YIF1B: variants seen among roughly 807,000 people sequenced by gnomAD.
The protein encoded by YIF1B is protein YIF1B.
Under a neutral mutation model 34.6 loss-of-function variants are expected in YIF1B, and 24 were observed. The ratio of observed to expected loss-of-function variants is 0.69; its 90% confidence interval spans 0.50 to 0.98. YIF1B has a LOEUF of 0.98. Among genes scored for constraint, YIF1B ranks in the 50% least tolerant of loss-of-function variants. The pLI, the probability that YIF1B is intolerant of heterozygous loss-of-function variation, is 0.00. For synonymous variants in YIF1B, 186 were observed against 184.8 expected (o/e 1.01, Z -0.05); for missense variants, 368 against 429.4 (o/e 0.86, Z 1.26).
chr19:38,309,305 G>C lies in YIF1B; in HGVS notation c.321C>G (p.Thr107=). ...CCACAGCAAAGTAATACTTGAGCTT[G>C]GTGATGGGGATGAAGCGGTCGATCT... ...DKNIDRFIPI[T]KLKYYFAVDT... Residue 107 remains threonine, a synonymous_variant, in exon 3 of 8, where the codon ACC becomes ACG. Transcript: ENST00000339413. 4 of 1,614,148 alleles carry C rather than the reference G, an allele frequency of 2.5e-6. No individual in the cohort carries two copies. The highest frequency in any genetic ancestry group is 2.2e-5 in the East Asian group (1 of 44,882).
rs1969168545 is a variant in YIF1B, at chr19:38,308,652, G to A, written c.539+140C>T. 8 of 971,762 alleles carry A rather than the reference G, an allele frequency of 8.2e-6. No individual in the cohort carries two copies. The South Asian group carries it at 9.7e-5, about 12-fold the overall frequency. 60.2% of individuals were successfully genotyped at this position (971,762 alleles called of 1,614,324 possible). A position where few individuals can be genotyped will look rare whatever the true frequency, so the allele number is the denominator to read the frequency against. On this transcript the variant is annotated intron_variant, in intron 5 of 7. Transcript: ENST00000339413. ...CGAGGGTGATGCTGACAGTGACCCT[G>A]AGGGCTGTATCTTGGGCCAACTGGG...
chr19:38,316,035 C>T (rs1478798673), upstream of YIF1B: 2 of 1,320,132 alleles, frequency 1.5e-6, no homozygotes, highest in Non-Finnish European at 1.9e-6. Context: ...GCCTCGCCCC[C>T]ACCCCCCCGA....
chr19:38,314,192 A>AT (rs544115864), intron 1 of YIF1B, among the ~76,000 whole-genome samples: 2,186 of 127,242 alleles, frequency 0.017, 42 homozygotes, highest in Non-Finnish European at 0.024. Context: ...CGCCCGGCTA[A>AT]TTTTTTTTTT....
intron 1 of YIF1B, chr19:38,309,920 C>G: frequency 9.4e-7 from 1 of 1,058,414 alleles, no homozygotes; most frequent in East Asian, 3.0e-5. Context: ...ACCCACCCTC[C>G]CACTCACCCA....
upstream of YIF1B, among the ~76,000 whole-genome samples, chr19:38,317,864 A>G (rs117234139): frequency 0.3 from 45,570 of 151,312 alleles, 7,226 homozygotes; most frequent in East Asian, 0.51. Flanking sequence ...ACAGGCATGA[A>G]ACACCGCACC....
intron 5 of YIF1B, 53 bp from the exon 6 acceptor site, chr19:38,307,805 C>T: frequency 4.4e-6 from 7 of 1,598,524 alleles, no homozygotes; most frequent in Non-Finnish European, 5.1e-6. Flanking sequence ...CCCCCACCCC[C>T]AGCACCCATC....
upstream of YIF1B, chr19:38,319,813 C>T: frequency 1.1e-6 from 1 of 881,642 alleles, no homozygotes; most frequent in Non-Finnish European, 1.6e-6. Flanking sequence ...CCCCCACCTC[C>T]CCTTTTTCCT....
Position 38,304,950 on chromosome 19 carries a change from G to GGCAAGA in YIF1B, c.*401_*402insTCTTGC, listed in dbSNP as rs772748463. 4.7e-6 allele frequency: 7 copies of GGCAAGA among 1,492,302 alleles called. No individual in the cohort carries two copies. The highest frequency in any genetic ancestry group is 7.0e-5 in the East Asian group (2 of 28,770). The allele number at this position is 1,492,302 out of a possible 1,614,324, so 92.4% of individuals were successfully genotyped here. On this transcript the variant is annotated 3_prime_UTR_variant, in exon 8 of 8. Coordinates refer to ENST00000339413, the MANE Select transcript of YIF1B (RefSeq NM_001039672.3). ...CAAGAAGGAGAAGGGCAAGAAGAAG[G>GGCAAGA]AGGCTCCCCACTGAAGGGCCCTGGA... is the stretch of plus-strand genomic sequence containing the variant.
intron 7 of YIF1B, chr19:38,306,867 G>C (rs957183700): frequency 1.5e-5 from 6 of 411,502 alleles, no homozygotes; most frequent in Admixed American, 3.0e-5. Context: ...ATTTTTAGTA[G>C]AGATGGGGTT....
Position 38,309,312 on chromosome 19 carries a change from G to C in YIF1B, c.314C>G (p.Pro105Arg). The change falls in exon 3 of 8, where the codon CCC (proline) becomes CGC (arginine). Residue 105 changes from proline (P) to arginine (R), a missense_variant. Pro to Arg is a moderately radical substitution (Grantham distance 103). This residue lies in a region of YIF1B where 153 missense variants were observed against 156.7 expected (regional missense o/e 0.98). Coordinates refer to ENST00000339413, the MANE Select transcript of YIF1B (RefSeq NM_001039672.3). ...AAAGTAATACTTGAGCTTGGTGATG[G>C]GGATGAAGCGGTCGATCTGGGGAGG... ...LVDKNIDRFI[P>R]ITKLKYYFAV... 1 of 1,614,118 alleles carries C rather than the reference G, an allele frequency of 6.2e-7. No individual in the cohort carries two copies. Among genetic ancestry groups the C allele is most frequent in the Non-Finnish European group, 8.5e-7 (1 of 1,179,992 alleles).
chr19:38,317,672 T>G (rs1412223653), upstream of YIF1B, among the ~76,000 whole-genome samples: 1 of 152,024 alleles, frequency 6.6e-6, no homozygotes, highest in Non-Finnish European at 1.5e-5. Context: ...CTTTGCCTCC[T>G]GGGTTCAAGT....
intron 1 of YIF1B, among the ~76,000 whole-genome samples, chr19:38,310,995 A>G (rs1200120829): frequency 6.6e-6 from 1 of 152,100 alleles, no homozygotes; most frequent in East Asian, 1.9e-4. Context: ...GAGTCCCCCA[A>G]GGTGGGGATC....
In YIF1B at chr19:38,315,885, C is replaced by G. The variant is rs1309928757; in HGVS notation, c.33G>C (p.Ala11=). 1.3e-6 allele frequency: 2 copies of G among 1,486,676 alleles called. No homozygotes were observed. Among genetic ancestry groups the G allele is most frequent in the Admixed American group, 4.7e-5 (2 of 42,224 alleles). 92.1% of individuals were successfully genotyped at this position (1,486,676 alleles called of 1,614,324 possible). A position where few individuals can be genotyped will look rare whatever the true frequency, so the allele number is the denominator to read the frequency against. Reference sequence around the variant, plus strand: ...GCCACTTACGCAGCCGGGGCGTCCCCGCAGCCGCCGCCGCCAAGCCTGCCG... The same window carrying G: ...GCCACTTACGCAGCCGGGGCGTCCCGGCAGCCGCCGCCGCCAAGCCTGCCG... MHPAGLAAAA[A]GTPRLRKWPS... is the part of the protein sequence containing the mutation. Residue 11 remains alanine (A), a synonymous_variant, in exon 1 of 8, where the codon GCG becomes GCC. Coordinates refer to ENST00000339413, the MANE Select transcript of YIF1B (RefSeq NM_001039672.3).
chr19:38,313,958 TTCTGAATATATATTCATATG>T (rs1364791463), intron 1 of YIF1B, among the ~76,000 whole-genome samples: 1 of 152,252 alleles, frequency 6.6e-6, no homozygotes, highest in East Asian at 1.9e-4. Flanking sequence ...TCACAATAAT[TTCTGAATATATATTCATATG>T]TCTACTTGTT....
chr19:38,309,002 T>C lies in YIF1B; in HGVS notation c.458A>G (p.Asn153Ser), dbSNP rs1300103368. The C allele has an allele frequency of 2.5e-6, 4 of 1,585,686 alleles. No individual in the cohort carries two copies. The highest frequency in any genetic ancestry group is 2.3e-5 in the East Asian group (1 of 43,982). ...DTPVAPRFDV[N>S]APDLYIPAMA... ...ACCTGGAATGTAGAGGTCCGGGGCA[T>C]TGACGTCAAAGCGGGGGGCCACCGG... Residue 153 changes from asparagine (N) to serine (S), a missense_variant, in exon 4 of 8, where the codon AAT (asparagine) becomes AGT (serine). Physicochemically the swap from Asn to Ser is conservative, Grantham distance 46. This residue lies in a region of YIF1B where 208 missense variants were observed against 247.8 expected (regional missense o/e 0.84). Transcript: ENST00000339413.
At chr19:38,313,251 C>T (rs111708530) in intron 1 of YIF1B, among the ~76,000 whole-genome samples, 1,559 of 149,846 alleles carry the variant, frequency 0.01, 16 homozygotes, top group Non-Finnish European at 0.017. Flanking sequence ...CAGTGCCTGA[C>T]CCAGAGTGAT....
chr19:38,307,321 G>T, intron 7 of YIF1B, 107 bp downstream of exon 7: 2 of 1,277,166 alleles, frequency 1.6e-6, no homozygotes, highest in Non-Finnish European at 2.2e-6. Context: ...CCTCAGTTCA[G>T]CAATGTGTCT....
chr19:38,314,913 T>C (rs946609147), intron 1 of YIF1B, among the ~76,000 whole-genome samples: 1 of 151,838 alleles, frequency 6.6e-6, no homozygotes, highest in Non-Finnish European at 1.5e-5. Context: ...ACGCCCAGCC[T>C]GCCCTCTCAC....
upstream of YIF1B, among the ~76,000 whole-genome samples, chr19:38,321,372 C>T (rs899419633): frequency 2.6e-5 from 4 of 152,218 alleles, no homozygotes; most frequent in Non-Finnish European, 5.9e-5. Flanking sequence ...TTGACATCTC[C>T]CCTATATGGG....
Sources: allele counts gnomAD v4.1 joint callset (sites outside exome capture counted in the v4.1 genomes callset), GRCh38; gene constraint gnomAD v4.1.1; regional missense constraint gnomAD v4.1.1; transcripts MANE v1.5; gene names NCBI Gene and HGNC (gene_info 2026-07-23, HGNC 2026-07-21).